The following OR2H1 variants were observed in gnomAD, a reference collection of about 807,000 sequenced individuals.
The protein encoded by OR2H1 is olfactory receptor 2H1.
For missense variants in OR2H1, 380 were observed against 367.3 expected, an observed-to-expected ratio of 1.03 and a Z score of -0.28; for synonymous variants, 155 against 155.2, an observed-to-expected ratio of 1.00 and a Z score of 0.01.
At chr6:29,460,644 T>G (rs1360518322) in intron 3 of OR2H1, among the ~76,000 whole-genome samples, 190 bp downstream of exon 3, 1 of 152,158 alleles carries the variant, frequency 6.6e-6, no homozygotes, top group African/African-American at 2.4e-5. Flanking sequence ...CACTGTTCAG[T>G]AGCTCAGGGT....
At position 29,463,053 on chromosome 6, in the gene OR2H1, C is replaced by T. The variant is rs541425003; in HGVS notation, c.*333C>T. ...ATGCCTATTTCTGGTTATATAATTG[C>T]TCTCCAATTGTCATGTCAGTGTAGG... On this transcript the variant is annotated 3_prime_UTR_variant, in exon 4 of 4. Coordinates refer to ENST00000377133, the MANE Select transcript of OR2H1 (RefSeq NM_030883.5). 7.1e-5 allele frequency: 25 copies of T among 350,882 alleles called. No homozygotes were observed. The East Asian group carries it at 1.2e-3, about 16-fold the overall frequency. The allele number at this position is 350,882 out of a possible 1,614,324, so 21.7% of individuals were successfully genotyped here.
chr6:29,462,174 C>A lies in OR2H1; in HGVS notation c.405C>A (p.His135Gln). 1 of 1,613,660 alleles carries A rather than the reference C, an allele frequency of 6.2e-7. No homozygotes were observed. The highest frequency in any genetic ancestry group is 8.5e-7 in the Non-Finnish European group (1 of 1,180,024). The change falls in exon 4 of 4, where the codon CAC becomes CAA. Residue 135 changes from histidine to glutamine, a missense_variant. Coordinates refer to ENST00000377133, the MANE Select transcript of OR2H1 (RefSeq NM_030883.5). ...CQPLHYATII[H>Q]PRLCWQLASV... Reference sequence around the variant, plus strand: ...CCCTCCACTATGCCACCATCATCCACCCCCGCCTGTGCTGGCAGCTGGCAT... The same window carrying A: ...CCCTCCACTATGCCACCATCATCCAACCCCGCCTGTGCTGGCAGCTGGCAT...
At chr6:29,459,085 T>C (rs987345655) in intron 2 of OR2H1, among the ~76,000 whole-genome samples, 1 of 152,146 alleles carries the variant, frequency 6.6e-6, no homozygotes, top group Non-Finnish European at 1.5e-5. Context: ...CAAAGGAAGA[T>C]ATAAACTGAA....
intron 1 of OR2H1, among the ~76,000 whole-genome samples, chr6:29,458,231 T>C (rs3117194): frequency 0.63 from 95,484 of 152,130 alleles, 30,640 homozygotes; most frequent in African/African-American, 0.77. Flanking sequence ...TGGTCTTTGG[T>C]GCTTACTAGC....
Position 29,462,305 on chromosome 6 carries a change from T to G in OR2H1, c.536T>G (p.Val179Gly), listed in dbSNP as rs1279402990. The G allele has an allele frequency of 1.9e-6, 3 of 1,613,136 alleles. No individual in the cohort carries two copies. Reference sequence around the variant, plus strand: ...CAGATAGATGACTTTTTATGTGAGGTCCCATCTCTGATTCGACTCTCCTGT... The same window carrying G: ...CAGATAGATGACTTTTTATGTGAGGGCCCATCTCTGATTCGACTCTCCTGT... ...HQQIDDFLCE[V>G]PSLIRLSCGD... Residue 179 changes from valine (V) to glycine (G), a missense_variant, in exon 4 of 4, where the codon GTC becomes GGC. Physicochemically the swap from Val to Gly is moderately radical, Grantham distance 109. Coordinates refer to ENST00000377133, the MANE Select transcript of OR2H1 (RefSeq NM_030883.5).
At chr6:29,459,954 TG>T (rs879782611) in intron 2 of OR2H1, 1 of 152,278 alleles carries the variant, frequency 6.6e-6, no homozygotes, top group Non-Finnish European at 1.5e-5. Flanking sequence ...AATTTTCCCA[TG>T]TATTTCCCAG....
chr6:29,459,742 C>T lies in OR2H1; in HGVS notation c.-326-662C>T, dbSNP rs186789681. On this transcript the variant is annotated intron_variant, in intron 2 of 3. Coordinates refer to ENST00000377133, the MANE Select transcript of OR2H1 (RefSeq NM_030883.5). The stretch of plus-strand genomic sequence containing the variant: ...TGCCTCTTACCTGCCAGGGTGGTGC[C>T]GCATCCCACCCCCATCATTGAGCTT... 194 of 152,372 alleles carry T rather than the reference C, an allele frequency of 1.3e-3. 1 individual carries two copies. The highest frequency in any genetic ancestry group is 4.5e-3 in the African/African-American group (186 of 41,568). The allele number at this position is 152,372 out of a possible 1,614,324, so 9.4% of individuals were successfully genotyped here.
chr6:29,461,086 G>A (rs1356017785), intron 3 of OR2H1: 1 of 152,138 alleles, frequency 6.6e-6, no homozygotes, highest in African/African-American at 2.4e-5. Context: ...ATTTGTGGAG[G>A]AAGCTCTTAC....
rs1787356471 is a variant in OR2H1 at position 29,462,162 on chromosome 6, C to A, written c.393C>A (p.Ala131=). ...YVAVCQPLHY[A]TIIHPRLCWQ... ...CTGTCTGCCAGCCCCTCCACTATGC[C>A]ACCATCATCCACCCCCGCCTGTGCT... is the stretch of plus-strand genomic sequence containing the variant. The change falls in exon 4 of 4, where the codon GCC becomes GCA. Residue 131 remains alanine (A), a synonymous_variant. Coordinates refer to ENST00000377133, the MANE Select transcript of OR2H1 (RefSeq NM_030883.5). 8 of 1,613,648 alleles carry A rather than the reference C, an allele frequency of 5.0e-6. No individual in the cohort carries two copies. The East Asian group carries it at 1.8e-4, about 36-fold the overall frequency.
At position 29,461,853 on chromosome 6, in the gene OR2H1, T is replaced by A. The variant is rs1303073924; in HGVS notation, c.84T>A (p.Val28=). 1 of 1,613,100 alleles carries A rather than the reference T, an allele frequency of 6.2e-7. No individual in the cohort carries two copies. ...HPALERTLFV[V]VFTSYLLTLV... ...CACTGGAAAGGACTCTCTTTGTGGT[T>A]GTCTTCACTTCCTACCTCTTGACCC... The change falls in exon 4 of 4, where the codon GTT becomes GTA. Residue 28 remains valine (V), a synonymous_variant. Coordinates refer to ENST00000377133, the MANE Select transcript of OR2H1 (RefSeq NM_030883.5).
intron 2 of OR2H1, 100 bp downstream of exon 2, chr6:29,458,669 T>C (rs562739169): frequency 6.6e-6 from 1 of 152,194 alleles, no homozygotes; most frequent in Non-Finnish European, 1.5e-5. Context: ...CTGACACTCA[T>C]TGGCAGGGTA....
Position 29,462,706 on chromosome 6 carries a change from T to C in OR2H1, c.937T>C (p.Trp313Arg). 6.2e-7 allele frequency: 1 copy of C among 1,611,066 alleles called. No individual in the cohort carries two copies. The highest frequency in any genetic ancestry group is 1.1e-5 in the South Asian group (1 of 90,782). The change falls in exon 4 of 4, where the codon TGG becomes CGG. Residue 313 changes from tryptophan to arginine, a missense_variant. Physicochemically the swap from Trp to Arg is moderately radical, Grantham distance 101. Coordinates refer to ENST00000377133, the MANE Select transcript of OR2H1 (RefSeq NM_030883.5). ...GAAGGAAAGAGACTCCAGGGAAAGCTGGAGAGCTGCTTAATATACTTTCGA... is the reference window on the plus strand; with the variant it reads ...GAAGGAAAGAGACTCCAGGGAAAGCCGGAGAGCTGCTTAATATACTTTCGA... Reference protein sequence around the residue: ...LGKERDSRESWRAA With the variant: ...LGKERDSRESRRAA
rs1051440012 is a variant in OR2H1, at chr6:29,462,783, A to G, written c.*63A>G. On this transcript the variant is annotated 3_prime_UTR_variant, in exon 4 of 4. Transcript: ENST00000377133. ...ATGAACATGTTAAGTTTTCCAGACT[A>G]CTACCCTTCCCACATACACCTGAGC... The G allele has an allele frequency of 8.0e-7, 1 of 1,252,804 alleles. No individual in the cohort carries two copies. Among genetic ancestry groups the G allele is most frequent in the Admixed American group, 2.2e-5 (1 of 46,428 alleles). The allele number at this position is 1,252,804 out of a possible 1,614,324, so 77.6% of individuals were successfully genotyped here. A position where few individuals can be genotyped will look rare whatever the true frequency, so the allele number is the denominator to read the frequency against.
At chr6:29,459,877 T>C (rs910329908) in intron 2 of OR2H1, 3 of 152,294 alleles carry the variant, frequency 2.0e-5, no homozygotes, top group African/African-American at 7.2e-5. Flanking sequence ...GCAGACTCTT[T>C]CCTAACCCAC....
Position 29,462,705 on chromosome 6 carries a change from C to G in OR2H1, c.936C>G (p.Ser312Arg). Residue 312 changes from serine to arginine, a missense_variant, in exon 4 of 4, where the codon AGC (serine) becomes AGG (arginine). Transcript: ENST00000377133. ...GGAAGGAAAGAGACTCCAGGGAAAG[C>G]TGGAGAGCTGCTTAATATACTTTCG... ...LLGKERDSRESWRAA is the reference protein window; with the variant it reads ...LLGKERDSRERWRAA 6.2e-7 allele frequency: 1 copy of G among 1,610,774 alleles called. No individual in the cohort carries two copies. Among genetic ancestry groups the G allele is most frequent in the Non-Finnish European group, 8.5e-7 (1 of 1,178,776 alleles).
At chr6:29,460,372 A>ATTTTTTTTTTTTTTTTTTT (rs10651941) in intron 2 of OR2H1, 32 bp from the exon 3 acceptor site, 2 of 81,224 alleles carry the variant, frequency 2.5e-5, no homozygotes, top group Admixed American at 1.3e-4. Flanking sequence ...CACCCCGCTA[A>ATTTTTTTTTTTTTTTTTTT]TTTTTTTTTT....
In OR2H1 at chr6:29,462,511, C is replaced by T. The variant is rs757700445; in HGVS notation, c.742C>T (p.Leu248Phe). The change falls in exon 4 of 4, where the codon CTC becomes TTC. Residue 248 changes from leucine to phenylalanine, a missense_variant. Leu to Phe is a conservative substitution (Grantham distance 22). Transcript: ENST00000377133. ...CTCCTCCCATCTCACTGTGGTCACC[C>T]TCTTCTACAGCTCAGTCATTGCTGT... ...TCSSHLTVVTLFYSSVIAVYL... is the reference protein window; with the variant it reads ...TCSSHLTVVTFFYSSVIAVYL... 4.8e-5 allele frequency: 77 copies of T among 1,612,956 alleles called. No homozygotes were observed. Among genetic ancestry groups the T allele is most frequent in the Non-Finnish European group, 6.3e-5 (74 of 1,180,032 alleles).
At position 29,462,772 on chromosome 6, in the gene OR2H1, T is replaced by C; in HGVS notation, c.*52T>C. 7.3e-7 allele frequency: 1 copy of C among 1,365,584 alleles called. No individual in the cohort carries two copies. Among genetic ancestry groups the C allele is most frequent in the Non-Finnish European group, 1.0e-6 (1 of 985,634 alleles). The allele number at this position is 1,365,584 out of a possible 1,614,324, so 84.6% of individuals were successfully genotyped here. On this transcript the variant is annotated 3_prime_UTR_variant, in exon 4 of 4. Transcript: ENST00000377133. ...CTTCAAGATTTATGAACATGTTAAG[T>C]TTTCCAGACTACTACCCTTCCCACA...
Position 29,462,759 on chromosome 6 carries a change from T to G in OR2H1, c.*39T>G. On this transcript the variant is annotated 3_prime_UTR_variant, in exon 4 of 4. Coordinates refer to ENST00000377133, the MANE Select transcript of OR2H1 (RefSeq NM_030883.5). ...GTAAGAAGAGTTTCTTCAAGATTTA[T>G]GAACATGTTAAGTTTTCCAGACTAC... The G allele has an allele frequency of 6.6e-7, 1 of 1,508,772 alleles. No individual in the cohort carries two copies. The allele number at this position is 1,508,772 out of a possible 1,614,324, so 93.5% of individuals were successfully genotyped here. A position where few individuals can be genotyped will look rare whatever the true frequency, so the allele number is the denominator to read the frequency against.
Sources: allele counts gnomAD v4.1 joint callset (sites outside exome capture counted in the v4.1 genomes callset), GRCh38; gene constraint gnomAD v4.1.1; transcripts MANE v1.5; gene names NCBI Gene and HGNC (gene_info 2026-07-23, HGNC 2026-07-21).